SORCS3: variants seen among roughly 807,000 people sequenced by gnomAD.
SORCS3 encodes VPS10 domain-containing receptor SorCS3.
SORCS3 carries 57 observed loss-of-function variants against 146.3 expected under a neutral mutation model. That is an observed-to-expected ratio of 0.39 (90% CI 0.31 to 0.49). The LOEUF is 0.49. Ranked by LOEUF, SORCS3 falls within the 20% of genes least tolerant of loss-of-function variation. The pLI is 0.92. For synonymous variants in SORCS3, 653 were observed against 618.5 expected (o/e 1.06, Z -0.83); for missense variants, 1,341 against 1,575.5 (o/e 0.85, Z 2.52).
chr10:105,105,378 C>A lies in SORCS3; in HGVS notation c.1094-19C>A. 1 of 1,551,522 alleles carries A rather than the reference C, an allele frequency of 6.4e-7. No individual in the cohort carries two copies. The highest frequency in any genetic ancestry group is 8.9e-7 in the Non-Finnish European group (1 of 1,123,490). ...GATTTTCACTTGTATCTAAGCATCA[C>A]TCTACCCTCCTGTTTCAGATGCTCA... On this transcript the variant is annotated intron_variant, in intron 6 of 26. Transcript: ENST00000369701.
In SORCS3 at chr10:105,061,439, C is replaced by T. The variant is rs1193237998; in HGVS notation, c.1028+18311C>T. Among the ~76,000 whole-genome samples the T allele has an allele frequency of 4.6e-5, 7 of 151,756 alleles. No individual in the cohort carries two copies. The South Asian group carries it at 6.2e-4, about 14-fold the overall frequency. On this transcript the variant is annotated intron_variant, in intron 5 of 26. Transcript: ENST00000369701. ...CCTCCCAAGTAGCTGAGACTACAGG[C>T]GCCTGCCACCACACCTGGCTAATTT...
At chr10:105,023,874 TA>T (rs1331563653) in intron 4 of SORCS3, among the ~76,000 whole-genome samples, 3 of 151,874 alleles carry the variant, frequency 2.0e-5, no homozygotes, top group Non-Finnish European at 4.4e-5. Flanking sequence ...GAACTCTGGA[TA>T]GGGATAGGAT....
chr10:104,928,269 C>G (rs937374547), intron 3 of SORCS3, among the ~76,000 whole-genome samples: 2 of 152,156 alleles, frequency 1.3e-5, no homozygotes, highest in Non-Finnish European at 2.9e-5. Flanking sequence ...GGCGACCAGC[C>G]TCTCAGACTG....
intron 1 of SORCS3, among the ~76,000 whole-genome samples, chr10:104,713,702 G>A (rs1009206355): frequency 2.0e-5 from 3 of 152,100 alleles, no homozygotes; most frequent in African/African-American, 7.2e-5. Flanking sequence ...GCTAATATTG[G>A]TTGGGGATTT....
chr10:105,013,512 C>CA (rs1488987549), intron 4 of SORCS3, among the ~76,000 whole-genome samples: 2 of 151,910 alleles, frequency 1.3e-5, no homozygotes, highest in Non-Finnish European at 2.9e-5. Flanking sequence ...TTATTTCAAG[C>CA]AAAATCAAAT....
intron 2 of SORCS3, among the ~76,000 whole-genome samples, chr10:104,909,956 G>A (rs1285933879): frequency 1.3e-5 from 2 of 152,132 alleles, no homozygotes; most frequent in East Asian, 3.9e-4. Context: ...CTGTGGGAAT[G>A]ACCAAGTGTA....
At position 104,786,361 on chromosome 10, in the gene SORCS3, G is replaced by C. The variant is rs2017436031; in HGVS notation, c.628-56431G>C. Among the ~76,000 whole-genome samples, 4 of 151,620 alleles carry C rather than the reference G, an allele frequency of 2.6e-5. No individual in the cohort carries two copies. The South Asian group carries it at 8.3e-4, about 32-fold the overall frequency. Reference sequence around the variant, plus strand: ...GAGGTCAGAAGTTCGAGACCAACCTGGCTGACAAAACCCTGTTTCTACTAA... The same window carrying C: ...GAGGTCAGAAGTTCGAGACCAACCTCGCTGACAAAACCCTGTTTCTACTAA... On this transcript the variant is annotated intron_variant, in intron 1 of 26. Transcript: ENST00000369701.
chr10:104,929,438 T>C (rs1379468088), intron 3 of SORCS3, among the ~76,000 whole-genome samples: 2 of 152,206 alleles, frequency 1.3e-5, no homozygotes, highest in East Asian at 3.9e-4. Flanking sequence ...AAAAAGTTCT[T>C]TCAACTTCCA....
chr10:105,121,717 G>A (rs2055934779), intron 7 of SORCS3, among the ~76,000 whole-genome samples: 1 of 152,106 alleles, frequency 6.6e-6, no homozygotes, highest in Admixed American at 6.6e-5. Context: ...CCAAAGAAAG[G>A]CTTAATGGGA....
intron 8 of SORCS3, among the ~76,000 whole-genome samples, chr10:105,140,224 A>G (rs1477728587): frequency 1.3e-5 from 2 of 152,214 alleles, no homozygotes; most frequent in Non-Finnish European, 2.9e-5. Context: ...GTACTAAGGA[A>G]CATATTATGA....
intron 1 of SORCS3, among the ~76,000 whole-genome samples, chr10:104,828,392 G>C (rs1363336795): frequency 6.6e-6 from 1 of 152,108 alleles, no homozygotes; most frequent in African/African-American, 2.4e-5. Context: ...GGGAACAGCC[G>C]ATCAGTGGAG....
intron 22 of SORCS3, among the ~76,000 whole-genome samples, chr10:105,251,028 G>T (rs2056894879): frequency 6.6e-6 from 1 of 152,084 alleles, no homozygotes; most frequent in Non-Finnish European, 1.5e-5. Context: ...AGCATTCTTG[G>T]GAACAGTGAG....
At chr10:104,914,523 G>A (rs1458698230) in intron 2 of SORCS3, among the ~76,000 whole-genome samples, 1 of 152,148 alleles carries the variant, frequency 6.6e-6, no homozygotes, top group African/African-American at 2.4e-5. Flanking sequence ...GGAGGCTGAG[G>A]TGGGAGGATG....
At chr10:104,840,995 A>T (rs2018133239) in intron 1 of SORCS3, among the ~76,000 whole-genome samples, 1 of 152,128 alleles carries the variant, frequency 6.6e-6, no homozygotes, top group Non-Finnish European at 1.5e-5. Flanking sequence ...GGTGACTTTA[A>T]GAAGGACTTG....
intron 3 of SORCS3, among the ~76,000 whole-genome samples, chr10:104,947,678 A>G (rs535531193): frequency 6.6e-6 from 1 of 152,288 alleles, no homozygotes; most frequent in South Asian, 2.1e-4. Flanking sequence ...GCTGGAGTGC[A>G]GTGGCGCAAT....
At chr10:104,689,402 T>C (rs2016087453) in intron 1 of SORCS3, among the ~76,000 whole-genome samples, 1 of 152,210 alleles carries the variant, frequency 6.6e-6, no homozygotes, top group Non-Finnish European at 1.5e-5. Flanking sequence ...ATGTGTGGAC[T>C]TGTGGTTGTT....
chr10:104,696,191 A>G (rs1436694217), intron 1 of SORCS3, among the ~76,000 whole-genome samples: 2 of 126,000 alleles, frequency 1.6e-5, no homozygotes, highest in South Asian at 4.5e-4. Context: ...TCATATACAC[A>G]TATAATATAT....
chr10:105,236,387 C>A lies in SORCS3; in HGVS notation c.2869-9155C>A, dbSNP rs180996006. Among the ~76,000 whole-genome samples, 134 of 152,176 alleles carry A rather than the reference C, an allele frequency of 8.8e-4. 3 individuals are homozygous for A. In the Middle Eastern group the frequency reaches 0.01, roughly 12 times the overall value. ...TAATCTAAAATTGTGCCTCAAAGAC[C>A]AGCAGATATACATAGTGAAGGAAAA... On this transcript the variant is annotated intron_variant, in intron 20 of 26. Coordinates refer to ENST00000369701, the MANE Select transcript of SORCS3 (RefSeq NM_014978.3).
At chr10:104,688,871 CAAGG>C (rs2016081166) in intron 1 of SORCS3, among the ~76,000 whole-genome samples, 1 of 152,238 alleles carries the variant, frequency 6.6e-6, no homozygotes, top group Non-Finnish European at 1.5e-5. Context: ...TCCTCACTGA[CAAGG>C]AGATGCCCAG....
Sources: gnomAD v4.1 joint callset for allele counts (sites outside exome capture counted in the v4.1 genomes callset) on GRCh38, gnomAD v4.1.1 for gene constraint, MANE v1.5 for transcripts, NCBI Gene and HGNC (gene_info 2026-07-23, HGNC 2026-07-21) for gene names.